Variants in AUTS2 observed in about 807,000 individuals in gnomAD.
The protein encoded by AUTS2 is autism susceptibility gene 2 protein.
AUTS2 carries 17 observed loss-of-function variants against 112.4 expected under a neutral mutation model. The ratio of observed to expected loss-of-function variants is 0.15; its 90% CI spans 0.10 to 0.23. The LOEUF is 0.23. Among genes scored for constraint, AUTS2 ranks in the 10% least tolerant of loss-of-function variants. The pLI is 1.00. For synonymous variants in AUTS2, 751 were observed against 702.7 expected, an observed-to-expected ratio of 1.07 and a Z score of -1.09; for missense variants, 1,510 against 1,701.6, an observed-to-expected ratio of 0.89 and a Z score of 1.98.
At chr7:70,495,922 ACGTACACAGT>A (rs1798459684) in intron 5 of AUTS2, among the ~76,000 whole-genome samples, 1 of 129,758 alleles carries the variant, frequency 7.7e-6, no homozygotes, top group Non-Finnish European at 1.6e-5. Context: ...CACACACACC[ACGTACACAGT>A]CACACACACA....
At chr7:70,595,083 A>G (rs1314925991) in intron 5 of AUTS2, among the ~76,000 whole-genome samples, 3 of 149,738 alleles carry the variant, frequency 2.0e-5, no homozygotes, top group Non-Finnish European at 4.5e-5. Flanking sequence ...CCTGAACAAG[A>G]GTGAAACTGT....
chr7:69,945,498 T>C (rs1009416208), intron 2 of AUTS2, among the ~76,000 whole-genome samples: 3 of 152,240 alleles, frequency 2.0e-5, no homozygotes, highest in Non-Finnish European at 4.4e-5. Flanking sequence ...ATTTAAGATG[T>C]ATAATGTGAT....
chr7:70,411,668 T>G (rs1246419807), intron 4 of AUTS2, among the ~76,000 whole-genome samples: 1 of 152,134 alleles, frequency 6.6e-6, no homozygotes, highest in East Asian at 1.9e-4. Context: ...CTACATATAA[T>G]TAGAGTCAGA....
At chr7:69,708,810 T>C (rs746793341) in intron 1 of AUTS2, among the ~76,000 whole-genome samples, 45 of 152,226 alleles carry the variant, frequency 3.0e-4, no homozygotes, top group Non-Finnish European at 5.0e-4. Context: ...ATTTGGAATT[T>C]GGTTGCTTAT....
intron 2 of AUTS2, among the ~76,000 whole-genome samples, chr7:70,082,201 A>G (rs1266197653): frequency 6.6e-6 from 1 of 152,212 alleles, no homozygotes; most frequent in East Asian, 1.9e-4. Context: ...TGACTTTTCA[A>G]TCCTGTGTTG....
intron 4 of AUTS2, among the ~76,000 whole-genome samples, chr7:70,389,401 C>T (rs1009717677): frequency 8.5e-5 from 13 of 152,166 alleles, no homozygotes; most frequent in Admixed American, 2.6e-4. Context: ...CACATGTAGC[C>T]GGCCCAATCT....
chr7:70,504,568 C>T (rs555332570), intron 5 of AUTS2, among the ~76,000 whole-genome samples: 6 of 152,228 alleles, frequency 3.9e-5, no homozygotes, highest in South Asian at 2.1e-4. Context: ...GGACCGGCAC[C>T]GAGGAGCAGT....
intron 1 of AUTS2, among the ~76,000 whole-genome samples, chr7:69,608,699 TC>T (rs1159097092): frequency 1.3e-5 from 2 of 152,254 alleles, no homozygotes; most frequent in Non-Finnish European, 2.9e-5. Context: ...TGCAGTGACT[TC>T]CACCCATTCT....
intron 4 of AUTS2, among the ~76,000 whole-genome samples, chr7:70,211,433 A>C (rs773389579): frequency 2.0e-5 from 3 of 151,218 alleles, no homozygotes; most frequent in Admixed American, 1.3e-4. Context: ...GCGGATCACG[A>C]GGTCAGGAGA....
intron 6 of AUTS2, 182 bp downstream of exon 6, chr7:70,698,802 C>A (rs1465800928): frequency 2.1e-6 from 1 of 483,202 alleles, no homozygotes; most frequent in Non-Finnish European, 3.6e-6. Context: ...CATTAACAAC[C>A]AGTTTATTTT....
At chr7:69,824,272 G>A (rs1791139139) in intron 1 of AUTS2, among the ~76,000 whole-genome samples, 1 of 152,004 alleles carries the variant, frequency 6.6e-6, no homozygotes, top group South Asian at 2.1e-4. Flanking sequence ...AATTAGTCGG[G>A]CATGGTGGCA....
intron 4 of AUTS2, among the ~76,000 whole-genome samples, chr7:70,346,219 C>A (rs184703151): frequency 6.6e-6 from 1 of 152,264 alleles, no homozygotes; most frequent in East Asian, 1.9e-4. Context: ...TTCCACAATA[C>A]CTTTCCCACC....
intron 5 of AUTS2, chr7:70,436,145 A>G (rs899103798): frequency 2.4e-5 from 5 of 208,600 alleles, no homozygotes; most frequent in Non-Finnish European, 3.8e-5. Flanking sequence ...GTTTGTGTTT[A>G]TAATGTCATT....
At chr7:69,827,680 A>G (rs1398788240) in intron 1 of AUTS2, among the ~76,000 whole-genome samples, 1 of 152,196 alleles carries the variant, frequency 6.6e-6, no homozygotes, top group Non-Finnish European at 1.5e-5. Flanking sequence ...TAAGATAAAC[A>G]AAGCTTATCT....
At chr7:70,059,181 T>G (rs1469164960) in intron 2 of AUTS2, among the ~76,000 whole-genome samples, 1 of 152,212 alleles carries the variant, frequency 6.6e-6, no homozygotes, top group Non-Finnish European at 1.5e-5. Context: ...TTCATCCCCC[T>G]ACCAAAACCC....
At chr7:70,336,710 C>T (rs953269865) in intron 4 of AUTS2, among the ~76,000 whole-genome samples, 1 of 151,588 alleles carries the variant, frequency 6.6e-6, no homozygotes, top group Admixed American at 6.6e-5. Flanking sequence ...AGCTGTGAAA[C>T]CACCGAGCAC....
At chr7:70,238,862 G>C (rs900872663) in intron 4 of AUTS2, among the ~76,000 whole-genome samples, 1 of 152,134 alleles carries the variant, frequency 6.6e-6, no homozygotes, top group Non-Finnish European at 1.5e-5. Flanking sequence ...TTGTGTGTGT[G>C]TGTGTACATG....
At chr7:70,262,116 A>G (rs539783539) in intron 4 of AUTS2, among the ~76,000 whole-genome samples, 209 of 152,342 alleles carry the variant, frequency 1.4e-3, no homozygotes, top group African/African-American at 4.6e-3. Context: ...AAAAGCAGGT[A>G]TTAGCATTCT....
intron 1 of AUTS2, among the ~76,000 whole-genome samples, chr7:69,744,090 C>T (rs1787382817): frequency 6.6e-6 from 1 of 152,146 alleles, no homozygotes; most frequent in Non-Finnish European, 1.5e-5. Context: ...ACCACCACGC[C>T]TGGCCAGCGT....
Sources: gnomAD v4.1 joint callset for allele counts (sites outside exome capture counted in the v4.1 genomes callset) on GRCh38, gnomAD v4.1.1 for gene constraint, MANE v1.5 for transcripts, NCBI Gene and HGNC (gene_info 2026-07-23, HGNC 2026-07-21) for gene names.